SUFU: variants seen among roughly 807,000 people sequenced by gnomAD.
SUFU encodes the protein suppressor of fused homolog.
In SUFU, 7 loss-of-function variants were observed where a neutral mutation model predicts 58.9. The observed-to-expected ratio is 0.12, with a 90% CI of 0.07 to 0.22. The LOEUF (loss-of-function observed/expected upper bound fraction) is 0.22, where lower values mean the gene tolerates loss of function less well. SUFU is among the 10% of genes least tolerant of loss of function. The pLI is 1.00. For missense variants in SUFU, 451 were observed against 641.3 expected (o/e 0.70, Z 3.20); for synonymous variants, 232 against 254.8 (o/e 0.91, Z 0.85).
At chr10:102,581,866 A>G (rs1224646139) in intron 3 of SUFU, among the ~76,000 whole-genome samples, 2 of 152,000 alleles carry the variant, frequency 1.3e-5, no homozygotes, top group Admixed American at 1.3e-4. Context: ...AGGAGTGGAG[A>G]TTTTTTCTTG....
chr10:102,585,621 T>C (rs1376959036), intron 3 of SUFU, among the ~76,000 whole-genome samples: 1 of 151,980 alleles, frequency 6.6e-6, no homozygotes, highest in African/African-American at 2.4e-5. Flanking sequence ...ATCCTCCCAC[T>C]TCAACCTCCC....
At chr10:102,618,986 C>T in intron 10 of SUFU, 2 of 989,882 alleles carry the variant, frequency 2.0e-6, no homozygotes, top group Non-Finnish European at 3.1e-6. Flanking sequence ...GTGTAATGTT[C>T]AAGCACGTTT....
At chr10:102,584,142 C>T (rs937620991) in intron 3 of SUFU, among the ~76,000 whole-genome samples, 2 of 152,168 alleles carry the variant, frequency 1.3e-5, no homozygotes, top group East Asian at 3.8e-4. Context: ...TTCCTGTTAA[C>T]AGGCTTAGAT....
In SUFU at chr10:102,577,461, C is replaced by T. The variant is rs186745795; in HGVS notation, c.455-15121C>T. On this transcript the variant is annotated intron_variant, in intron 3 of 11. Transcript: ENST00000369902. Reference sequence around the variant, plus strand: ...TCCCAGGGCTTAAGTGATCCTCCCACTTCAGCCTCTGGGACCACAGGCATG... The same window carrying T: ...TCCCAGGGCTTAAGTGATCCTCCCATTTCAGCCTCTGGGACCACAGGCATG... Among the ~76,000 whole-genome samples, 670 of 152,148 alleles carry T rather than the reference C, an allele frequency of 4.4e-3. 7 individuals carry two copies. The highest frequency in any genetic ancestry group is 0.015 in the African/African-American group (638 of 41,500).
At chr10:102,616,103 C>T (rs1349386443) in intron 9 of SUFU, among the ~76,000 whole-genome samples, 1 of 152,116 alleles carries the variant, frequency 6.6e-6, no homozygotes, top group African/African-American at 2.4e-5. Context: ...ATGCAAAACA[C>T]TCAGTTCTAA....
Position 102,633,185 on chromosome 10 carries a change from C to T in SUFU, c.*3030C>T, listed in dbSNP as rs1194019254. 2 of 233,310 alleles carry T rather than the reference C, an allele frequency of 8.6e-6. No homozygotes were observed. The highest frequency in any genetic ancestry group is 1.7e-5 in the Non-Finnish European group (2 of 118,012). 14.5% of individuals were successfully genotyped at this position (233,310 alleles called of 1,614,324 possible). ...GGTCTTCCCTTTCTGGCTTCTAGGA[C>T]ATCCATGCCAGGTGAGGTGCCTGGG... On this transcript the variant is annotated 3_prime_UTR_variant, in exon 12 of 12. Coordinates refer to ENST00000369902, the MANE Select transcript of SUFU (RefSeq NM_016169.4).
rs539311763 is a variant in SUFU, at chr10:102,573,156, C to T, written c.455-19426C>T. The T allele has an allele frequency of 2.1e-4, 160 of 772,774 alleles. 2 individuals carry two copies. Among genetic ancestry groups the T allele is most frequent in the South Asian group, 1.8e-3 (136 of 74,694 alleles). The allele number at this position is 772,774 out of a possible 1,614,324, so 47.9% of individuals were successfully genotyped here. Reference sequence around the variant, plus strand: ...ACACCTTTCAACACTGCCTTCTTGGCCTTCAAAGCCTTTGCTTTGGCTTCG... The same window carrying T: ...ACACCTTTCAACACTGCCTTCTTGGTCTTCAAAGCCTTTGCTTTGGCTTCG... On this transcript the variant is annotated intron_variant, in intron 3 of 11. Coordinates refer to ENST00000369902, the MANE Select transcript of SUFU (RefSeq NM_016169.4).
intron 3 of SUFU, among the ~76,000 whole-genome samples, chr10:102,561,742 C>T (rs1367283299): frequency 6.8e-6 from 1 of 146,550 alleles, no homozygotes; most frequent in African/African-American, 2.5e-5. Flanking sequence ...GATTATGGCT[C>T]ACTGCAGCTT....
intron 3 of SUFU, among the ~76,000 whole-genome samples, chr10:102,560,584 G>T (rs1042551013): frequency 1.3e-5 from 2 of 151,736 alleles, no homozygotes; most frequent in African/African-American, 2.4e-5. Context: ...CAAAAAAAAA[G>T]AACTTGCAGT....
intron 2 of SUFU, among the ~76,000 whole-genome samples, chr10:102,535,867 C>T (rs2062732707): frequency 6.6e-6 from 1 of 152,098 alleles, no homozygotes. Flanking sequence ...GCACGCTAGA[C>T]CTGCAGATAC....
At chr10:102,535,899 C>T (rs1369174111) in intron 2 of SUFU, among the ~76,000 whole-genome samples, 6 of 151,876 alleles carry the variant, frequency 4.0e-5, no homozygotes, top group African/African-American at 1.5e-4. Context: ...AGATACAACC[C>T]TGCCCTTGTG....
At chr10:102,626,394 C>A (rs1183231101) in intron 10 of SUFU, among the ~76,000 whole-genome samples, 1 of 152,140 alleles carries the variant, frequency 6.6e-6, no homozygotes, top group African/African-American at 2.4e-5. Flanking sequence ...GTGTTTGTGC[C>A]AGCCAAATAG....
At chr10:102,591,317 C>T (rs2135862448) in intron 3 of SUFU, among the ~76,000 whole-genome samples, 1 of 152,160 alleles carries the variant, frequency 6.6e-6, no homozygotes, top group South Asian at 2.1e-4. Flanking sequence ...TGGCTAACAC[C>T]GTGAAATCCC....
chr10:102,610,190 C>T (rs372231300), intron 8 of SUFU, among the ~76,000 whole-genome samples: 3 of 151,634 alleles, frequency 2.0e-5, no homozygotes, highest in African/African-American at 4.8e-5. Flanking sequence ...GTCAGGAGTT[C>T]GAGACCAGCC....
intron 2 of SUFU, among the ~76,000 whole-genome samples, chr10:102,515,048 G>A (rs1589980471): frequency 2.0e-5 from 3 of 152,322 alleles, no homozygotes; most frequent in South Asian, 2.1e-4. Context: ...ACTTCTTGGC[G>A]CACATGTCCA....
At chr10:102,526,642 G>A (rs931571074) in intron 2 of SUFU, among the ~76,000 whole-genome samples, 2 of 152,212 alleles carry the variant, frequency 1.3e-5, no homozygotes, top group South Asian at 2.1e-4. Context: ...GGAGGATGCT[G>A]TTAGCAGTAA....
intron 2 of SUFU, among the ~76,000 whole-genome samples, chr10:102,525,329 C>T (rs10786674): frequency 0.11 from 15,825 of 150,412 alleles, 1,301 homozygotes; most frequent in East Asian, 0.42. Context: ...AGGCTGGCCT[C>T]AAACTCCCGG....
Position 102,504,957 on chromosome 10 carries a change from G to A in SUFU, c.182+623G>A, listed in dbSNP as rs146428095. On this transcript the variant is annotated intron_variant, in intron 1 of 11. Transcript: ENST00000369902. ...TTTGCTTTTGAAGTTTGACGGAGCA[G>A]CTCTTCCTGATAAACTTTTTGCTTA... Among the ~76,000 whole-genome samples the A allele has an allele frequency of 1.6e-3, 239 of 152,278 alleles. 1 individual carries two copies. Among genetic ancestry groups the A allele is most frequent in the Non-Finnish European group, 2.7e-3 (182 of 68,012 alleles).
At chr10:102,615,794 CT>C (rs907569187) in intron 9 of SUFU, among the ~76,000 whole-genome samples, 9 of 152,202 alleles carry the variant, frequency 5.9e-5, no homozygotes, top group African/African-American at 1.4e-4. Flanking sequence ...CATCTCCTGT[CT>C]AGCCCAGAGC....
Sources: gnomAD v4.1 joint callset for allele counts (sites outside exome capture counted in the v4.1 genomes callset) on GRCh38, gnomAD v4.1.1 for gene constraint, MANE v1.5 for transcripts, NCBI Gene and HGNC (gene_info 2026-07-23, HGNC 2026-07-21) for gene names.